Variants in INPP5A observed in about 807,000 individuals in gnomAD.
The protein encoded by INPP5A is 43 kDa inositol polyphosphate 5-phophatase.
In INPP5A, 14 loss-of-function variants were observed where a neutral mutation model predicts 65.2. The observed-to-expected ratio is 0.21, with a 90% confidence interval of 0.14 to 0.34. INPP5A has a LOEUF of 0.34. INPP5A is among the 10% of genes least tolerant of loss of function. The probability of loss-of-function intolerance (pLI) is 1.00; values close to 1 mark genes in which losing one functional copy is unlikely to be tolerated. For missense variants in INPP5A, 431 were observed against 545.6 expected, an observed-to-expected ratio of 0.79 and a Z score of 2.09; for synonymous variants, 207 against 208.3, an observed-to-expected ratio of 0.99 and a Z score of 0.05.
chr10:132,633,498 G>A (rs1039066943), intron 2 of INPP5A, among the ~76,000 whole-genome samples: 2 of 152,170 alleles, frequency 1.3e-5, no homozygotes, highest in Admixed American at 6.5e-5. Flanking sequence ...GTGCCCAAGC[G>A]TGGAGTGGGT....
At chr10:132,732,084 G>A (rs888783075) in intron 9 of INPP5A, among the ~76,000 whole-genome samples, 5 of 152,218 alleles carry the variant, frequency 3.3e-5, no homozygotes, top group South Asian at 2.1e-4. Flanking sequence ...TCATTCACAC[G>A]CCCGGCCACC....
At chr10:132,612,166 G>C (rs1426101695) in intron 2 of INPP5A, among the ~76,000 whole-genome samples, 1 of 148,226 alleles carries the variant, frequency 6.7e-6, no homozygotes, top group African/African-American at 2.5e-5. Context: ...GAGAGGCCCT[G>C]TCAGAGAGGG....
At chr10:132,714,408 C>G (rs1845703771) in intron 8 of INPP5A, among the ~76,000 whole-genome samples, 1 of 152,234 alleles carries the variant, frequency 6.6e-6, no homozygotes, top group African/African-American at 2.4e-5. Context: ...TCGGGCAGGA[C>G]AATGCCGCGC....
chr10:132,626,998 GA>G (rs949337597), intron 2 of INPP5A, among the ~76,000 whole-genome samples: 2 of 152,204 alleles, frequency 1.3e-5, no homozygotes, highest in Non-Finnish European at 2.9e-5. Flanking sequence ...TAATGGTATT[GA>G]GGGGGGTGGG....
Position 132,603,250 on chromosome 10 carries a change from G to A in INPP5A, c.76-4665G>A, listed in dbSNP as rs1009388784. On this transcript the variant is annotated intron_variant, in intron 1 of 15. Transcript: ENST00000368594. The surrounding 1 kb of genome is among the most constrained non-coding windows in gnomAD (Gnocchi z 4.2). ...ATGTGGGTATTCTCTATTAGGGGCT[G>A]TATAGCAAACACGCTAAAGATCATC... Among the ~76,000 whole-genome samples the A allele has an allele frequency of 7.9e-5, 12 of 152,150 alleles. No individual in the cohort carries two copies. The highest frequency in any genetic ancestry group is 1.5e-4 in the Non-Finnish European group (10 of 68,024).
chr10:132,660,939 A>G (rs1485012139), intron 4 of INPP5A, among the ~76,000 whole-genome samples: 3 of 152,216 alleles, frequency 2.0e-5, no homozygotes. Context: ...TAAGCCTAAA[A>G]CTAGGGCAGT....
intron 11 of INPP5A, among the ~76,000 whole-genome samples, chr10:132,756,293 CTA>C (rs937419383): frequency 4.0e-5 from 6 of 151,632 alleles, no homozygotes; most frequent in African/African-American, 1.5e-4. Context: ...TGCATGTGCA[CTA>C]GTGTGTGTGG....
intron 9 of INPP5A, among the ~76,000 whole-genome samples, chr10:132,738,312 C>G (rs773125473): frequency 2.0e-5 from 3 of 152,228 alleles, no homozygotes; most frequent in Admixed American, 2.0e-4. Context: ...CTTCACACAT[C>G]GCACCCGGCT....
intron 11 of INPP5A, among the ~76,000 whole-genome samples, chr10:132,759,959 C>G (rs1350053924): frequency 2.6e-5 from 4 of 152,240 alleles, no homozygotes; most frequent in Non-Finnish European, 5.9e-5. Flanking sequence ...GGCCTCACGA[C>G]TTCGGTGCTC....
intron 4 of INPP5A, among the ~76,000 whole-genome samples, chr10:132,681,764 A>G (rs1172767701): frequency 6.6e-6 from 1 of 152,254 alleles, no homozygotes; most frequent in Non-Finnish European, 1.5e-5. Context: ...AATTGAGAGC[A>G]GTCTCCAGCA....
intron 2 of INPP5A, among the ~76,000 whole-genome samples, chr10:132,613,985 A>G (rs2071995187): frequency 6.6e-6 from 1 of 152,256 alleles, no homozygotes; most frequent in Non-Finnish European, 1.5e-5. Context: ...ATGGTCTTTT[A>G]GAAACCCTTT....
rs370102342 is a variant in INPP5A at position 132,761,957 on chromosome 10, C to T, written c.904-3816C>T. Among the ~76,000 whole-genome samples, 6 of 151,760 alleles carry T rather than the reference C, an allele frequency of 4.0e-5. No individual in the cohort carries two copies. In the East Asian group the frequency reaches 9.6e-4, roughly 24 times the overall value. ...TAAGTACCACACTATGAAAAAAATC[C>T]CAACAGATAAAAAAAAGTAGGACTC... On this transcript the variant is annotated intron_variant, in intron 11 of 15. Coordinates refer to ENST00000368594, the MANE Select transcript of INPP5A (RefSeq NM_005539.5).
chr10:132,722,115 A>G (rs531088198), intron 8 of INPP5A, among the ~76,000 whole-genome samples: 1 of 152,170 alleles, frequency 6.6e-6, no homozygotes, highest in Non-Finnish European at 1.5e-5. Flanking sequence ...AGTTTTAGTA[A>G]TTTTATACTG....
At chr10:132,730,327 G>A (rs996438138) in intron 9 of INPP5A, among the ~76,000 whole-genome samples, 6 of 152,354 alleles carry the variant, frequency 3.9e-5, no homozygotes, top group Middle Eastern at 3.4e-3. Context: ...CCTGCTTGCC[G>A]GGGCCACGTG....
rs2071046191 is a variant in INPP5A, at chr10:132,551,320, G to T, written c.75+13149G>T. ...TGTGAAGCTGAGAACTGGGTTGACT[G>T]CCTGCTGCTTTGTTTCTTGCAAAGA... On this transcript the variant is annotated intron_variant, in intron 1 of 15. Transcript: ENST00000368594. The surrounding 1 kb of genome is among the most constrained non-coding windows in gnomAD (Gnocchi z 5.3). 6.6e-6 allele frequency among the ~76,000 whole-genome samples: 1 copy of T among 152,212 alleles called. No individual in the cohort carries two copies. The highest frequency in any genetic ancestry group is 2.1e-4 in the South Asian group (1 of 4,836).
At chr10:132,746,310 T>C in intron 9 of INPP5A, among the ~76,000 whole-genome samples, 1 of 152,220 alleles carries the variant, frequency 6.6e-6, no homozygotes, top group East Asian at 1.9e-4. Context: ...TGACAGGGTC[T>C]GAGAGGATGT....
At chr10:132,681,279 A>C (rs529058705) in intron 4 of INPP5A, among the ~76,000 whole-genome samples, 34 of 152,268 alleles carry the variant, frequency 2.2e-4, no homozygotes, top group African/African-American at 7.5e-4. Flanking sequence ...AGCAGTGGCA[A>C]CCCACTCGGG....
rs1261440753 is a variant in INPP5A at position 132,707,392 on chromosome 10, C to G, written c.475-921C>G. ...ACCTTGGACTTGACTCTGTCAGCCT[C>G]TTCCCAGTGCCTTCTGTGGTTTTCA... On this transcript the variant is annotated intron_variant, in intron 6 of 15. Coordinates refer to ENST00000368594, the MANE Select transcript of INPP5A (RefSeq NM_005539.5). The surrounding 1 kb of genome is among the most constrained non-coding windows in gnomAD (Gnocchi z 5.5). Among the ~76,000 whole-genome samples, 1 of 152,268 alleles carries G rather than the reference C, an allele frequency of 6.6e-6. No individual in the cohort carries two copies. Among genetic ancestry groups the G allele is most frequent in the Non-Finnish European group, 1.5e-5 (1 of 68,048 alleles).
At position 132,767,069 on chromosome 10, in the gene INPP5A, C is replaced by T. The variant is rs375593241; in HGVS notation, c.977+1223C>T. Among the ~76,000 whole-genome samples, 7 of 128,490 alleles carry T rather than the reference C, an allele frequency of 5.4e-5. No homozygotes were observed. In the East Asian group the frequency reaches 7.4e-4, roughly 14 times the overall value. 84.3% of individuals were successfully genotyped at this position (128,490 alleles called of 152,430 possible). On this transcript the variant is annotated intron_variant, in intron 12 of 15. Transcript: ENST00000368594. ...GAGCTTGGGTGGGAGACAGAGGATG[C>T]GGCCTCAGGGAGCTTGGGTGGGAGC... is the stretch of plus-strand genomic sequence containing the variant.
Sources: allele counts gnomAD v4.1 joint callset (sites outside exome capture counted in the v4.1 genomes callset), GRCh38; gene constraint gnomAD v4.1.1; non-coding constraint Gnocchi (gnomAD v3.1); transcripts MANE v1.5; gene names NCBI Gene and HGNC (gene_info 2026-07-23, HGNC 2026-07-21).